The following KCNQ1 variants were observed in gnomAD, a reference collection of about 807,000 sequenced individuals.
The protein encoded by KCNQ1 is potassium voltage-gated channel subfamily Q member 1.
In KCNQ1, 49 loss-of-function variants were observed where a neutral mutation model predicts 72.4. The ratio of observed to expected loss-of-function variants is 0.68; its 90% CI spans 0.54 to 0.86. The LOEUF (loss-of-function observed/expected upper bound fraction) is 0.86, where lower values mean the gene tolerates loss of function less well. Among genes scored for constraint, KCNQ1 ranks in the 40% least tolerant of loss-of-function variants. The pLI is 0.00. For missense variants in KCNQ1, 790 were observed against 945.1 expected (o/e 0.84, Z 2.15); for synonymous variants, 450 against 412.6 (o/e 1.09, Z -1.10).
intron 2 of KCNQ1, among the ~76,000 whole-genome samples, chr11:2,555,786 G>C (rs1848061427): frequency 6.6e-6 from 1 of 152,254 alleles, no homozygotes; most frequent in Non-Finnish European, 1.5e-5. Flanking sequence ...CTGGCACATT[G>C]AGTTCTGCCT....
intron 11 of KCNQ1, among the ~76,000 whole-genome samples, chr11:2,751,673 G>A (rs908378349): frequency 3.9e-5 from 6 of 152,262 alleles, no homozygotes; most frequent in Non-Finnish European, 5.9e-5. Context: ...GGAAGCCCTC[G>A]GTGAGCGTAG....
chr11:2,572,781 C>T (rs1448833575), intron 5 of KCNQ1, 65 bp from the exon 6 acceptor site: 10 of 1,605,324 alleles, frequency 6.2e-6, no homozygotes, highest in East Asian at 4.5e-5. Context: ...CTGCCTTAGG[C>T]GTCTGCACAG....
Position 2,516,059 on chromosome 11 carries a change from A to G in KCNQ1, c.387-11869A>G, listed in dbSNP as rs1282989022. Among the ~76,000 whole-genome samples the G allele has an allele frequency of 6.6e-6, 1 of 151,998 alleles. No homozygotes were observed. The highest frequency in any genetic ancestry group is 1.5e-5 in the Non-Finnish European group (1 of 67,998). On this transcript the variant is annotated intron_variant, in intron 1 of 15. Coordinates refer to ENST00000155840, the MANE Select transcript of KCNQ1 (RefSeq NM_000218.3). This position sits in a 1 kb window ranked among gnomAD's most constrained non-coding sequence, Gnocchi z 7.0. ...ACGCCCAGGCCAGGGCTCCTGCTGG[A>G]ATCTCCCTGTGGAAGGCCAGGCTGC...
rs551752908 is a variant in KCNQ1, at chr11:2,595,131, T to G, written c.1393+6277T>G. On this transcript the variant is annotated intron_variant, in intron 10 of 15. Transcript: ENST00000155840. This position sits in a 1 kb window ranked among gnomAD's most constrained non-coding sequence, Gnocchi z 5.0. ...AGTGTAAACAGAAACCCCAATCTCC[T>G]GTGAGAGCAAGTCTAAGTAACATAT... Among the ~76,000 whole-genome samples the G allele has an allele frequency of 3.5e-4, 54 of 152,320 alleles. No individual in the cohort carries two copies. The highest frequency in any genetic ancestry group is 1.2e-3 in the African/African-American group (49 of 41,570).
At chr11:2,753,177 G>C (rs1846252111) in intron 11 of KCNQ1, among the ~76,000 whole-genome samples, 1 of 152,196 alleles carries the variant, frequency 6.6e-6, no homozygotes, top group South Asian at 2.1e-4. Context: ...CAGTGTGGAT[G>C]TCATTACATG....
Position 2,681,886 on chromosome 11 carries a change from G to A in KCNQ1, c.1514+19805G>A, listed in dbSNP as rs188123393. On this transcript the variant is annotated intron_variant, in intron 11 of 15. Transcript: ENST00000155840. ...GGCCCAGCACTACCATCTAGGTGGG[G>A]AGAAAACACACCGGCCATAATGAAC... The A allele has an allele frequency of 3.2e-3, 1,280 of 398,602 alleles. 29 individuals carry two copies. In the Admixed American group the frequency reaches 0.037, roughly 11 times the overall value. 24.7% of individuals were successfully genotyped at this position (398,602 alleles called of 1,614,324 possible). A position where few individuals can be genotyped will look rare whatever the true frequency, so the allele number is the denominator to read the frequency against.
rs986455948 is a variant in KCNQ1 at position 2,483,634 on chromosome 11, C to T, written c.386+38150C>T. 7.2e-5 allele frequency among the ~76,000 whole-genome samples: 11 copies of T among 152,088 alleles called. No homozygotes were observed. Among genetic ancestry groups the T allele is most frequent in the African/African-American group, 1.2e-4 (5 of 41,398 alleles). On this transcript the variant is annotated intron_variant, in intron 1 of 15. Transcript: ENST00000155840. This position sits in a 1 kb window ranked among gnomAD's most constrained non-coding sequence, Gnocchi z 6.1. ...CTGGGCGGCTGTTTTGTAGAACGTC[C>T]CTCGGTTTGGATTCTCTGATATGCT...
chr11:2,464,803 A>AC lies in KCNQ1; in HGVS notation c.386+19320dup, dbSNP rs76503999. Among the ~76,000 whole-genome samples, 58,759 of 152,008 alleles carry AC rather than the reference A, an allele frequency of 0.39. 15,442 individuals carry two copies. Among genetic ancestry groups the AC allele is most frequent in the African/African-American group, 0.74 (30,734 of 41,430 alleles). ...GTGGGCTGGGGCTGAGGCGGATCCC[A>AC]CTGTGGGGAGCTGCCCAGAGATGGA... On this transcript the variant is annotated intron_variant, in intron 1 of 15. Coordinates refer to ENST00000155840, the MANE Select transcript of KCNQ1 (RefSeq NM_000218.3). This position sits in a 1 kb window ranked among gnomAD's most constrained non-coding sequence, Gnocchi z 5.0.
In KCNQ1 at chr11:2,769,672, C is replaced by T. The variant is rs1044032029; in HGVS notation, c.1590+753C>T. ...AATACATGTGTAGGTGTGGGAACCCCGTATCCTCTGTGGTGGGTGATCCAG... is the reference window on the plus strand; with the variant it reads ...AATACATGTGTAGGTGTGGGAACCCTGTATCCTCTGTGGTGGGTGATCCAG... On this transcript the variant is annotated intron_variant, in intron 12 of 15. Coordinates refer to ENST00000155840, the MANE Select transcript of KCNQ1 (RefSeq NM_000218.3). This position sits in a 1 kb window ranked among gnomAD's most constrained non-coding sequence, Gnocchi z 4.6. 2.6e-5 allele frequency among the ~76,000 whole-genome samples: 4 copies of T among 152,126 alleles called. No homozygotes were observed. Among genetic ancestry groups the T allele is most frequent in the Admixed American group, 6.5e-5 (1 of 15,280 alleles).
At chr11:2,591,569 C>CGGGGGCTGGGGACCCAGCCTGTGT (rs1848670608) in intron 10 of KCNQ1, among the ~76,000 whole-genome samples, 1 of 152,190 alleles carries the variant, frequency 6.6e-6, no homozygotes, top group Non-Finnish European at 1.5e-5. Context: ...TGGGCGTGGC[C>CGGGGGCTGGGGACCCAGCCTGTGT]GGGGGCTGGG....
intron 11 of KCNQ1, among the ~76,000 whole-genome samples, chr11:2,757,283 C>T (rs970322210): frequency 6.6e-6 from 1 of 152,132 alleles, no homozygotes; most frequent in Non-Finnish European, 1.5e-5. Flanking sequence ...TATACACTAA[C>T]AATGAACCTG....
In KCNQ1 at chr11:2,668,768, A is replaced by T; in HGVS notation, c.1514+6687A>T. The stretch of plus-strand genomic sequence containing the variant: ...TGCAGGCTGCCTTCTTCCTCTCTTG[A>T]TGGTGTCTTTTGATGAACAGAAGGT... On this transcript the variant is annotated intron_variant, in intron 11 of 15. Coordinates refer to ENST00000155840, the MANE Select transcript of KCNQ1 (RefSeq NM_000218.3). The surrounding 1 kb of genome is among the most constrained non-coding windows in gnomAD (Gnocchi z 4.3). The T allele has an allele frequency of 2.5e-6, 1 of 398,522 alleles. No individual in the cohort carries two copies. The allele number at this position is 398,522 out of a possible 1,614,324, so 24.7% of individuals were successfully genotyped here.
intron 11 of KCNQ1, chr11:2,692,388 AT>A: frequency 2.5e-6 from 1 of 398,770 alleles, no homozygotes; most frequent in Non-Finnish European, 4.4e-6. Context: ...CCCCTGCCCC[AT>A]TCCAATCAAT....
chr11:2,538,148 C>T lies in KCNQ1; in HGVS notation c.477+10130C>T, dbSNP rs879747215. Among the ~76,000 whole-genome samples, 1 of 152,150 alleles carries T rather than the reference C, an allele frequency of 6.6e-6. No homozygotes were observed. Among genetic ancestry groups the T allele is most frequent in the Non-Finnish European group, 1.5e-5 (1 of 68,030 alleles). On this transcript the variant is annotated intron_variant, in intron 2 of 15. Transcript: ENST00000155840. The surrounding 1 kb of genome is among the most constrained non-coding windows in gnomAD (Gnocchi z 6.7). The stretch of plus-strand genomic sequence containing the variant: ...CCAGGGTGTCCGACTCTCAGGACAC[C>T]GCTGTCCATTTCACAGCCTGCATTT...
intron 11 of KCNQ1, chr11:2,699,773 C>T (rs1184387518): frequency 2.5e-6 from 1 of 397,568 alleles, no homozygotes; most frequent in Non-Finnish European, 4.4e-6. Context: ...GCTGAGGAGC[C>T]CCGAGGAGAA....
intron 1 of KCNQ1, among the ~76,000 whole-genome samples, chr11:2,445,883 A>G (rs561876734): frequency 6.6e-6 from 1 of 152,186 alleles, no homozygotes; most frequent in African/African-American, 2.4e-5. Context: ...AGCCCCCAAG[A>G]GAGAAGGCCC....
rs1161945745 is a variant in KCNQ1 at position 2,664,199 on chromosome 11, G to A, written c.1514+2118G>A. On this transcript the variant is annotated intron_variant, in intron 11 of 15. Transcript: ENST00000155840. The surrounding 1 kb of genome is among the most constrained non-coding windows in gnomAD (Gnocchi z 5.1). ...AGATATGAGCCAGCCTGGGAAGGCA[G>A]GAAGGAGCCCAGGCATGGGGCTTGG... 7.5e-6 allele frequency: 3 copies of A among 398,702 alleles called. No individual in the cohort carries two copies. The highest frequency in any genetic ancestry group is 3.6e-5 in the East Asian group (1 of 28,094). The allele number at this position is 398,702 out of a possible 1,614,324, so 24.7% of individuals were successfully genotyped here. A position where few individuals can be genotyped will look rare whatever the true frequency, so the allele number is the denominator to read the frequency against.
chr11:2,685,344 G>A, intron 11 of KCNQ1: 2 of 398,670 alleles, frequency 5.0e-6, no homozygotes, highest in Non-Finnish European at 4.4e-6. Flanking sequence ...ATGTCATGGA[G>A]GGTACATGGG....
At chr11:2,837,936 T>C (rs1047790866) in intron 15 of KCNQ1, among the ~76,000 whole-genome samples, 1 of 152,068 alleles carries the variant, frequency 6.6e-6, no homozygotes, top group Non-Finnish European at 1.5e-5. Context: ...GACATTGTGG[T>C]GTGGGAGATC....
Sources: gnomAD v4.1 joint callset for allele counts (sites outside exome capture counted in the v4.1 genomes callset) on GRCh38, gnomAD v4.1.1 for gene constraint, Gnocchi (gnomAD v3.1) non-coding constraint, MANE v1.5 for transcripts, NCBI Gene and HGNC (gene_info 2026-07-23, HGNC 2026-07-21) for gene names.